POLB: variants seen among roughly 807,000 people sequenced by gnomAD.
POLB encodes the protein DNA polymerase beta.
A neutral mutation model predicts 52.7 loss-of-function variants in POLB; 37 were observed. The ratio of observed to expected loss-of-function variants is 0.70; its 90% CI spans 0.54 to 0.92. The LOEUF (loss-of-function observed/expected upper bound fraction) is 0.92. Among genes scored for constraint, POLB ranks in the 40% least tolerant of loss-of-function variants. The probability of loss-of-function intolerance (pLI) is 0.00; values close to 1 mark genes in which losing one functional copy is unlikely to be tolerated. For missense variants in POLB, 313 were observed against 400.8 expected (o/e 0.78, Z 1.87); for synonymous variants, 138 against 131.3 (o/e 1.05, Z -0.35).
At chr8:42,371,425 CTTT>C in intron 13 of POLB, 135 bp from the exon 14 acceptor site, 4 of 366,662 alleles carry the variant, frequency 1.1e-5, no homozygotes, top group East Asian at 4.7e-5. Context: ...ATCCGCCGGT[CTTT>C]TTTTTTTTAG....
At chr8:42,352,327 A>G (rs563265014) in intron 5 of POLB, among the ~76,000 whole-genome samples, 192 bp from the exon 6 acceptor site, 1 of 152,342 alleles carries the variant, frequency 6.6e-6, no homozygotes, top group East Asian at 1.9e-4. Context: ...GTCTGAATTC[A>G]TAGTTGTCTT....
At chr8:42,367,235 C>T (rs1162105258) in intron 11 of POLB, among the ~76,000 whole-genome samples, 1 of 152,110 alleles carries the variant, frequency 6.6e-6, no homozygotes, top group African/African-American at 2.4e-5. Flanking sequence ...TGATAGTTAA[C>T]AATGAACATA....
intron 2 of POLB, among the ~76,000 whole-genome samples, chr8:42,343,367 T>TAC (rs1554531648): frequency 0.019 from 569 of 30,688 alleles, 11 homozygotes; most frequent in African/African-American, 0.03. Flanking sequence ...TATATATATA[T>TAC]ATACACAAAA....
At chr8:42,350,190 C>T in intron 5 of POLB, 125 bp downstream of exon 5, 2 of 726,170 alleles carry the variant, frequency 2.8e-6, no homozygotes, top group Non-Finnish European at 5.0e-6. Context: ...CCATACAGTT[C>T]ACCCTTCCAT....
chr8:42,338,742 G>T, intron 1 of POLB, 57 bp downstream of exon 1: 1 of 1,520,420 alleles, frequency 6.6e-7, no homozygotes. Context: ...CTCTTCCCCT[G>T]CCTTCCTTCT....
intron 3 of POLB, among the ~76,000 whole-genome samples, chr8:42,347,064 A>C (rs1563393134): frequency 6.6e-6 from 1 of 152,036 alleles, no homozygotes; most frequent in Non-Finnish European, 1.5e-5. Context: ...TAGCCTGCTC[A>C]TTTCTTAGAG....
At chr8:42,357,262 G>A (rs770529994) in intron 8 of POLB, 39 bp downstream of exon 8, 3 of 1,431,832 alleles carry the variant, frequency 2.1e-6, no homozygotes, top group Non-Finnish European at 3.0e-6. Flanking sequence ...TTAGAATTGA[G>A]AGTGTCACTT....
At chr8:42,356,979 T>C (rs1823353223) in intron 7 of POLB, among the ~76,000 whole-genome samples, 190 bp from the exon 8 acceptor site, 1 of 152,202 alleles carries the variant, frequency 6.6e-6, no homozygotes, top group Admixed American at 6.5e-5. Context: ...TTATCCAGTT[T>C]AGGAATAAAC....
chr8:42,371,562 G>A lies in POLB; in HGVS notation c.914-1G>A. 2 of 1,584,358 alleles carry A rather than the reference G, an allele frequency of 1.3e-6. No homozygotes were observed. Among genetic ancestry groups the A allele is most frequent in the Non-Finnish European group, 1.7e-6 (2 of 1,153,704 alleles). On this transcript the variant is annotated splice_acceptor_variant, in intron 13 of 13. Transcript: ENST00000265421. LOFTEE classifies it high-confidence loss of function. ...ATAAGTTTTTCTCTCTGTACTTGCAGGAGTTGCAGGAGAACCCCTGCCAGT... is the reference window on the plus strand; with the variant it reads ...ATAAGTTTTTCTCTCTGTACTTGCAAGAGTTGCAGGAGAACCCCTGCCAGT...
At chr8:42,358,268 C>T (rs952001360) in intron 9 of POLB, among the ~76,000 whole-genome samples, 4 of 152,076 alleles carry the variant, frequency 2.6e-5, no homozygotes, top group East Asian at 2.0e-4. Flanking sequence ...TTTGGGAGGC[C>T]GAGCCGGGCG....
At chr8:42,371,437 A>C (rs907401122) in intron 13 of POLB, 126 bp from the exon 14 acceptor site, 1 of 403,100 alleles carries the variant, frequency 2.5e-6, no homozygotes. Context: ...TTTTTTTTTT[A>C]GTGACTTGGT....
intron 11 of POLB, among the ~76,000 whole-genome samples, chr8:42,366,245 A>G (rs1025916894): frequency 2.0e-5 from 3 of 152,192 alleles, no homozygotes; most frequent in African/African-American, 4.8e-5. Context: ...AAGAATACTA[A>G]GGCCACTCAC....
intron 9 of POLB, chr8:42,360,953 G>C (rs563778229): frequency 5.8e-5 from 22 of 376,824 alleles, no homozygotes; most frequent in Non-Finnish European, 9.7e-5. Context: ...TACATATAGA[G>C]TTGTTCATAG....
chr8:42,339,445 G>GGATCCT (rs1822055414), intron 2 of POLB: 2 of 230,886 alleles, frequency 8.7e-6, no homozygotes, highest in Non-Finnish European at 1.8e-5. Flanking sequence ...TGATCCTGTG[G>GGATCCT]GATCCTGATC....
Position 42,339,072 on chromosome 8 carries a change from G to A in POLB, c.119+3G>A. 1 of 1,610,122 alleles carries A rather than the reference G, an allele frequency of 6.2e-7. No individual in the cohort carries two copies. On this transcript the variant is annotated splice_donor_region_variant and intron_variant, in intron 2 of 13. Coordinates refer to ENST00000265421, the MANE Select transcript of POLB (RefSeq NM_002690.3). ...ATCCACAAGTACAATGCTTACAGGTGGGACAGTGCAGCATTCTCGGGTAGC... is the reference window on the plus strand; with the variant it reads ...ATCCACAAGTACAATGCTTACAGGTAGGACAGTGCAGCATTCTCGGGTAGC...
chr8:42,340,667 C>T (rs1443781177), intron 2 of POLB, among the ~76,000 whole-genome samples: 2 of 152,206 alleles, frequency 1.3e-5, no homozygotes, highest in Admixed American at 1.3e-4. Context: ...CCACTTATGT[C>T]AGTGACTCCA....
intron 11 of POLB, among the ~76,000 whole-genome samples, chr8:42,366,968 T>C (rs1208641677): frequency 6.6e-6 from 1 of 152,094 alleles, no homozygotes; most frequent in East Asian, 1.9e-4. Context: ...ATGTCATCTG[T>C]GTGGAAATGG....
chr8:42,365,242 T>C (rs1324023378), intron 11 of POLB, among the ~76,000 whole-genome samples: 1 of 152,208 alleles, frequency 6.6e-6, no homozygotes, highest in African/African-American at 2.4e-5. Flanking sequence ...ACTTTAACAA[T>C]GCTTCCAAAC....
At chr8:42,370,259 G>GTTTTTTTTTGTTTT (rs1824296723) in intron 13 of POLB, 1 of 259,970 alleles carries the variant, frequency 3.8e-6, no homozygotes, top group African/African-American at 2.6e-5. Flanking sequence ...ATCTAAAAGG[G>GTTTTTTTTTGTTTT]TTTTTTTTTT....
Sources: allele counts gnomAD v4.1 joint callset (sites outside exome capture counted in the v4.1 genomes callset), GRCh38; gene constraint gnomAD v4.1.1; transcripts MANE v1.5; gene names NCBI Gene and HGNC (gene_info 2026-07-23, HGNC 2026-07-21).